Variants in RMND1 observed in about 807,000 individuals in gnomAD.
The protein encoded by RMND1 is required for meiotic nuclear division 1 homolog.
In RMND1, 41 loss-of-function variants were observed where a neutral mutation model predicts 54.0. The observed-to-expected ratio is 0.76, with a 90% CI of 0.59 to 0.98. The LOEUF (loss-of-function observed/expected upper bound fraction) is 0.98, where lower values mean the gene tolerates loss of function less well. Among genes scored for constraint, RMND1 ranks in the 50% least tolerant of loss-of-function variants. The probability of loss-of-function intolerance (pLI) is 0.00; values close to 1 mark genes in which losing one functional copy is unlikely to be tolerated. For missense variants in RMND1, 457 were observed against 532.0 expected (o/e 0.86, Z 1.39); for synonymous variants, 183 against 181.7 (o/e 1.01, Z -0.06).
chr6:151,442,370 A>C (rs1455229943), intron 2 of RMND1, among the ~76,000 whole-genome samples: 2 of 152,086 alleles, frequency 1.3e-5, no homozygotes, highest in South Asian at 4.1e-4. Flanking sequence ...TTCATTTTTC[A>C]AAAAAATGGT....
At chr6:151,414,568 G>A (rs145964841) in intron 10 of RMND1, among the ~76,000 whole-genome samples, 8 of 152,030 alleles carry the variant, frequency 5.3e-5, no homozygotes, top group South Asian at 2.1e-4. Context: ...TGAAACAAAC[G>A]AAAAAGCAGG....
At chr6:151,405,597 AATG>A (rs1779586205) in intron 11 of RMND1, 120 bp downstream of exon 11, 4 of 637,338 alleles carry the variant, frequency 6.3e-6, no homozygotes, top group East Asian at 2.6e-5. Context: ...TAGAGTTAGT[AATG>A]ATAACAAAGT....
chr6:151,448,727 A>G (rs1781034010), intron 1 of RMND1, among the ~76,000 whole-genome samples: 1 of 152,170 alleles, frequency 6.6e-6, no homozygotes, highest in Admixed American at 6.5e-5. Flanking sequence ...ACAGCAACCA[A>G]AGTGATCCTT....
intron 2 of RMND1, among the ~76,000 whole-genome samples, chr6:151,439,663 T>C (rs1279913517): frequency 3.3e-5 from 5 of 152,122 alleles, no homozygotes; most frequent in Non-Finnish European, 7.4e-5. Flanking sequence ...TTTTACTTTA[T>C]TATTATTATA....
intron 9 of RMND1, among the ~76,000 whole-genome samples, chr6:151,418,221 C>T (rs77815249): frequency 2.1e-4 from 32 of 152,200 alleles, no homozygotes; most frequent in Admixed American, 8.5e-4. Flanking sequence ...CAAGACCAAC[C>T]TGGACAGCAC....
chr6:151,405,000 C>G lies in RMND1; in HGVS notation c.*235G>C. 2.3e-6 allele frequency: 1 copy of G among 427,676 alleles called. No homozygotes were observed. Among genetic ancestry groups the G allele is most frequent in the Admixed American group, 4.4e-5 (1 of 22,766 alleles). 26.5% of individuals were successfully genotyped at this position (427,676 alleles called of 1,614,324 possible). On this transcript the variant is annotated 3_prime_UTR_variant, in exon 12 of 12. Coordinates refer to ENST00000444024, the MANE Select transcript of RMND1 (RefSeq NM_017909.4). ...TCTCCTGCCTCAGCCTCCTGAGTAGCTGAGATGACGGGCGTGTGCCAACAC... is the reference window on the plus strand; with the variant it reads ...TCTCCTGCCTCAGCCTCCTGAGTAGGTGAGATGACGGGCGTGTGCCAACAC...
At chr6:151,438,047 T>C (rs1780662586) in intron 2 of RMND1, among the ~76,000 whole-genome samples, 1 of 152,180 alleles carries the variant, frequency 6.6e-6, no homozygotes, top group Non-Finnish European at 1.5e-5. Context: ...CTAATTCCCA[T>C]AGTCACATAT....
chr6:151,413,130 C>T (rs758920166), intron 10 of RMND1, among the ~76,000 whole-genome samples: 7 of 152,160 alleles, frequency 4.6e-5, no homozygotes, highest in Middle Eastern at 3.2e-3. Context: ...CCAATAACCA[C>T]GAGTGAACTA....
intron 5 of RMND1, among the ~76,000 whole-genome samples, chr6:151,429,100 T>C (rs960765112): frequency 2.0e-5 from 3 of 152,072 alleles, no homozygotes; most frequent in South Asian, 2.1e-4. Flanking sequence ...TCTGAGATTA[T>C]ATTGGTTATA....
At chr6:151,421,939 A>T (rs886413955) in intron 8 of RMND1, among the ~76,000 whole-genome samples, 6 of 151,974 alleles carry the variant, frequency 3.9e-5, no homozygotes, top group African/African-American at 1.5e-4. Flanking sequence ...ACATGGCCAG[A>T]CCCCATTTCA....
At chr6:151,438,018 C>A (rs1270032046) in intron 2 of RMND1, among the ~76,000 whole-genome samples, 5 of 152,186 alleles carry the variant, frequency 3.3e-5, no homozygotes, top group Non-Finnish European at 5.9e-5. Context: ...CAGATAACTG[C>A]TAATTCCTTC....
At chr6:151,427,946 C>T (rs60483131) in intron 5 of RMND1, among the ~76,000 whole-genome samples, 2,048 of 152,030 alleles carry the variant, frequency 0.013, 40 homozygotes, top group African/African-American at 0.046. Flanking sequence ...TCAAGACCAG[C>T]CTGGGCAACG....
At chr6:151,425,270 C>T (rs777922748) in intron 6 of RMND1, among the ~76,000 whole-genome samples, 1 of 152,060 alleles carries the variant, frequency 6.6e-6, no homozygotes, top group Non-Finnish European at 1.5e-5. Flanking sequence ...TAAACTGGGC[C>T]CATGCCACAG....
At chr6:151,429,744 C>A (rs1416698166) in intron 5 of RMND1, among the ~76,000 whole-genome samples, 1 of 152,068 alleles carries the variant, frequency 6.6e-6, no homozygotes, top group Non-Finnish European at 1.5e-5. Context: ...TTAAACAAAT[C>A]TTGATTTGGA....
At chr6:151,450,730 G>A (rs1279576918) in intron 1 of RMND1, among the ~76,000 whole-genome samples, 1 of 151,966 alleles carries the variant, frequency 6.6e-6, no homozygotes, top group Admixed American at 6.5e-5. Flanking sequence ...AACGGGACGG[G>A]ATGACAATGG....
chr6:151,442,030 T>C (rs1780789941), intron 2 of RMND1, among the ~76,000 whole-genome samples: 1 of 152,128 alleles, frequency 6.6e-6, no homozygotes, highest in Non-Finnish European at 1.5e-5. Flanking sequence ...ACCTTGTTAG[T>C]GTCTGGAGAA....
At chr6:151,451,598 A>G (rs1236570542) in intron 1 of RMND1, among the ~76,000 whole-genome samples, 1 of 152,212 alleles carries the variant, frequency 6.6e-6, no homozygotes, top group African/African-American at 2.4e-5. Flanking sequence ...AATAGCGCCC[A>G]GCACATAGTA....
chr6:151,447,668 T>A (rs1780994636), intron 1 of RMND1, among the ~76,000 whole-genome samples: 1 of 152,216 alleles, frequency 6.6e-6, no homozygotes, highest in African/African-American at 2.4e-5. Context: ...CTGTGCTTCA[T>A]TCTAGTCCAA....
intron 1 of RMND1, among the ~76,000 whole-genome samples, chr6:151,450,519 G>T (rs62074728): frequency 6.9e-6 from 1 of 144,632 alleles, no homozygotes; most frequent in East Asian, 2.2e-4. Flanking sequence ...CGCCCCGTCC[G>T]GGAGGGAGGT....
Sources: gnomAD v4.1 joint callset for allele counts (sites outside exome capture counted in the v4.1 genomes callset) on GRCh38, gnomAD v4.1.1 for gene constraint, MANE v1.5 for transcripts, NCBI Gene and HGNC (gene_info 2026-07-23, HGNC 2026-07-21) for gene names.